Variants in FYN observed in about 807,000 individuals in gnomAD.
FYN encodes tyrosine-protein kinase Fyn.
In FYN, 10 loss-of-function variants were observed where a neutral mutation model predicts 70.2. The observed-to-expected ratio is 0.14, with a 90% CI of 0.09 to 0.24. The LOEUF is 0.24. Ranked by LOEUF, FYN falls within the 10% of genes least tolerant of loss-of-function variation. The pLI is 1.00. For synonymous variants in FYN, 236 were observed against 248.6 expected (o/e 0.95, Z 0.48); for missense variants, 319 against 673.1 (o/e 0.47, Z 5.82).
rs78163429 is a variant in FYN at position 111,679,308 on chromosome 6, C to T, written c.1274-4678G>A. Among the ~76,000 whole-genome samples, 13 of 152,324 alleles carry T rather than the reference C, an allele frequency of 8.5e-5. 1 individual carries two copies. The East Asian group carries it at 2.5e-3, about 29-fold the overall frequency. ...GTTTCCTACTTCTATGCTGCCAGAGCACCTCCCTCTTTGTAGTTGTCACTA... is the reference window on the plus strand; with the variant it reads ...GTTTCCTACTTCTATGCTGCCAGAGTACCTCCCTCTTTGTAGTTGTCACTA... On this transcript the variant is annotated intron_variant, in intron 12 of 13. Transcript: ENST00000354650.
At chr6:111,773,624 GAA>G (rs1373721875) in intron 3 of FYN, among the ~76,000 whole-genome samples, 52 of 69,276 alleles carry the variant, frequency 7.5e-4, no homozygotes, top group Non-Finnish European at 9.1e-4. Context: ...GAGAGAGGGG[GAA>G]AGGAGAGGGG....
intron 2 of FYN, among the ~76,000 whole-genome samples, chr6:111,834,031 T>C (rs975765551): frequency 2.0e-5 from 3 of 152,190 alleles, no homozygotes; most frequent in African/African-American, 7.2e-5. Flanking sequence ...GGAATGAATC[T>C]TAAAAATGTT....
rs1240617723 is a variant in FYN, at chr6:111,780,623, G to A, written c.-69C>T. 6.6e-6 allele frequency: 1 copy of A among 152,538 alleles called. No homozygotes were observed. The highest frequency in any genetic ancestry group is 1.5e-5 in the Non-Finnish European group (1 of 68,034). The allele number at this position is 152,538 out of a possible 1,614,324, so 9.4% of individuals were successfully genotyped here. A position where few individuals can be genotyped will look rare whatever the true frequency, so the allele number is the denominator to read the frequency against. On this transcript the variant is annotated 5_prime_UTR_variant, in exon 3 of 14. Coordinates refer to ENST00000354650, the MANE Select transcript of FYN (RefSeq NM_002037.5). ...TACACCACATGTCTTCTACAACAGAGGCAGGACTGGTCCTGAAAAACAATA... is the reference window on the plus strand; with the variant it reads ...TACACCACATGTCTTCTACAACAGAAGCAGGACTGGTCCTGAAAAACAATA...
chr6:111,776,942 C>T (rs1351044657), intron 3 of FYN, among the ~76,000 whole-genome samples: 1 of 152,184 alleles, frequency 6.6e-6, no homozygotes, highest in East Asian at 1.9e-4. Context: ...TACTCAATCT[C>T]AATCATCTGT....
At chr6:111,722,045 C>T (rs896236510) in intron 3 of FYN, among the ~76,000 whole-genome samples, 4 of 152,154 alleles carry the variant, frequency 2.6e-5, no homozygotes, top group Non-Finnish European at 5.9e-5. Context: ...CAAACCAATG[C>T]AGGAGGTGCC....
rs370923944 is a variant in FYN at position 111,785,669 on chromosome 6, C to CT, written c.-81-5035dup. On this transcript the variant is annotated intron_variant, in intron 2 of 13. Coordinates refer to ENST00000354650, the MANE Select transcript of FYN (RefSeq NM_002037.5). ...AGACAGGAATTTTTTTTCTTTTTTT[C>CT]TTTTTTTTTTATTACTATACTTTAA... Among the ~76,000 whole-genome samples the CT allele has an allele frequency of 4.2e-3, 629 of 148,652 alleles. 12 individuals carry two copies. In the East Asian group the frequency reaches 0.054, roughly 13 times the overall value.
In FYN at chr6:111,694,090, T is replaced by C. The variant is rs145059555; in HGVS notation, c.1273+285A>G. 2.5e-4 allele frequency among the ~76,000 whole-genome samples: 38 copies of C among 152,222 alleles called. No individual in the cohort carries two copies. The highest frequency in any genetic ancestry group is 6.8e-3 in the Middle Eastern group (2 of 294). On this transcript the variant is annotated intron_variant, in intron 12 of 13. Transcript: ENST00000354650. This position sits in a 1 kb window ranked among gnomAD's most constrained non-coding sequence, Gnocchi z 5.0. ...CTCCAAAAACAGAGTATTCTAGGCC[T>C]GGACGCTGTGAGGAGACCAGCATGA... is the stretch of plus-strand genomic sequence containing the variant.
At chr6:111,731,889 A>G (rs1229979452) in intron 3 of FYN, among the ~76,000 whole-genome samples, 1 of 152,224 alleles carries the variant, frequency 6.6e-6, no homozygotes, top group African/African-American at 2.4e-5. Flanking sequence ...GTGTCTCAGT[A>G]AAGTTTTCAC....
intron 2 of FYN, among the ~76,000 whole-genome samples, chr6:111,808,185 G>A (rs1772212942): frequency 6.6e-6 from 1 of 152,172 alleles, no homozygotes; most frequent in Admixed American, 6.5e-5. Context: ...GCTTTGCTGT[G>A]TTACAAAGGC....
chr6:111,725,760 G>A (rs1471516827), intron 3 of FYN, among the ~76,000 whole-genome samples: 1 of 152,158 alleles, frequency 6.6e-6, no homozygotes, highest in African/African-American at 2.4e-5. Flanking sequence ...CTTGCTAAAT[G>A]ACATTGTGGT....
intron 1 of FYN, among the ~76,000 whole-genome samples, chr6:111,864,551 G>A (rs1774052040): frequency 7.7e-6 from 1 of 130,308 alleles, no homozygotes; most frequent in Non-Finnish European, 1.5e-5. Context: ...TACGAATCAG[G>A]CTATGATGAG....
chr6:111,685,799 A>G (rs1798980044), intron 12 of FYN, among the ~76,000 whole-genome samples: 1 of 152,234 alleles, frequency 6.6e-6, no homozygotes, highest in African/African-American at 2.4e-5. Context: ...AACCATCAAA[A>G]GGCTCTGCCC....
chr6:111,727,165 G>C (rs1801226154), intron 3 of FYN, among the ~76,000 whole-genome samples: 1 of 152,184 alleles, frequency 6.6e-6, no homozygotes, highest in Non-Finnish European at 1.5e-5. Flanking sequence ...CCCCAAGACA[G>C]TGGATTCTGT....
intron 2 of FYN, among the ~76,000 whole-genome samples, chr6:111,802,401 C>T (rs913185567): frequency 1.3e-5 from 2 of 151,552 alleles, no homozygotes; most frequent in Non-Finnish European, 2.9e-5. Flanking sequence ...CCAATTAAAC[C>T]TCTTTTCTTT....
At chr6:111,862,031 T>G (rs7776191) in intron 1 of FYN, among the ~76,000 whole-genome samples, 24,978 of 152,124 alleles carry the variant, frequency 0.16, 4,690 homozygotes, top group African/African-American at 0.47. Flanking sequence ...AGGCACTCAG[T>G]TAAATGTTGC....
chr6:111,857,071 G>A (rs1773841390), intron 1 of FYN, among the ~76,000 whole-genome samples: 1 of 152,070 alleles, frequency 6.6e-6, no homozygotes, highest in African/African-American at 2.4e-5. Context: ...GAGTGTTCTG[G>A]TAACTACTTA....
At chr6:111,745,451 G>A (rs187680735) in intron 3 of FYN, among the ~76,000 whole-genome samples, 1 of 152,164 alleles carries the variant, frequency 6.6e-6, no homozygotes, top group Non-Finnish European at 1.5e-5. Flanking sequence ...GGTGCGCAAG[G>A]GGATGGGCAG....
intron 1 of FYN, among the ~76,000 whole-genome samples, chr6:111,860,353 T>TA (rs1233333190): frequency 1.1e-4 from 16 of 152,290 alleles, no homozygotes; most frequent in African/African-American, 3.9e-4. Flanking sequence ...AACCATGGGC[T>TA]AGACTGAAAA....
chr6:111,822,818 T>C (rs1374785815), intron 2 of FYN, among the ~76,000 whole-genome samples: 1 of 151,438 alleles, frequency 6.6e-6, no homozygotes, highest in African/African-American at 2.4e-5. Flanking sequence ...GGGAGGACAA[T>C]GTTGAGAGGG....
Sources: allele counts gnomAD v4.1 joint callset (sites outside exome capture counted in the v4.1 genomes callset), GRCh38; gene constraint gnomAD v4.1.1; non-coding constraint Gnocchi (gnomAD v3.1); transcripts MANE v1.5; gene names NCBI Gene and HGNC (gene_info 2026-07-23, HGNC 2026-07-21).